BCAS3: variants seen among roughly 807,000 people sequenced by gnomAD.
BCAS3 encodes BCAS3 microtubule associated cell migration factor, also known as BCAS4/BCAS3 fusion.
In BCAS3, 53 loss-of-function variants were observed where a neutral mutation model predicts 116.1. That is an observed-to-expected ratio of 0.46 (90% CI 0.37 to 0.57). The LOEUF (loss-of-function observed/expected upper bound fraction) is 0.57. Ranked by LOEUF, BCAS3 falls within the 20% of genes least tolerant of loss-of-function variation. The pLI is 0.00. For synonymous variants in BCAS3, 391 were observed against 408.2 expected (o/e 0.96, Z 0.51); for missense variants, 917 against 1,165.4 (o/e 0.79, Z 3.10).
chr17:60,968,030 G>A (rs2061752069), intron 14 of BCAS3, among the ~76,000 whole-genome samples: 2 of 151,914 alleles, frequency 1.3e-5, no homozygotes, highest in South Asian at 4.1e-4. Context: ...CTTGGTCAGA[G>A]GGCTCACAGA....
intron 14 of BCAS3, among the ~76,000 whole-genome samples, chr17:60,955,545 AT>A (rs977738795): frequency 1.3e-5 from 2 of 150,632 alleles, no homozygotes; most frequent in African/African-American, 4.9e-5. Context: ...AGCCCAGCTA[AT>A]TTTTTTTTGT....
intron 22 of BCAS3, among the ~76,000 whole-genome samples, chr17:61,329,836 T>C (rs893839155): frequency 3.9e-5 from 6 of 152,110 alleles, no homozygotes; most frequent in African/African-American, 1.4e-4. Context: ...CACTTATCCA[T>C]GAAGACCGCA....
chr17:61,273,436 A>G (rs2050485243), intron 22 of BCAS3, among the ~76,000 whole-genome samples: 3 of 152,260 alleles, frequency 2.0e-5, no homozygotes, highest in Non-Finnish European at 4.4e-5. Flanking sequence ...ACAAGAAGTT[A>G]GCAGTTATTC....
At chr17:61,116,407 C>A (rs139696854) in intron 22 of BCAS3, among the ~76,000 whole-genome samples, 2 of 151,994 alleles carry the variant, frequency 1.3e-5, no homozygotes, top group African/African-American at 4.8e-5. Flanking sequence ...GCCCTTCTTC[C>A]GTTTATGTCC....
intron 10 of BCAS3, among the ~76,000 whole-genome samples, chr17:60,901,301 A>G (rs1339232446): frequency 1.3e-5 from 2 of 152,018 alleles, no homozygotes; most frequent in African/African-American, 4.8e-5. Context: ...TACCAGAAGC[A>G]GGGAATAAGT....
chr17:61,225,877 C>T (rs2082344727), intron 22 of BCAS3, among the ~76,000 whole-genome samples: 1 of 152,098 alleles, frequency 6.6e-6, no homozygotes, highest in Non-Finnish European at 1.5e-5. Context: ...AGGATACAAC[C>T]AAGGTAGGGA....
rs979916968 is a variant in BCAS3 at position 61,199,032 on chromosome 17, A to G, written c.2425+114468A>G. On this transcript the variant is annotated intron_variant, in intron 22 of 23. Transcript: ENST00000407086. The surrounding 1 kb of genome is among the most constrained non-coding windows in gnomAD (Gnocchi z 4.6). ...CTAGAAATATATAAATGAAACCAAC[A>G]TTTCTCTATCCTGGAAAAAAAGTGT... Among the ~76,000 whole-genome samples the G allele has an allele frequency of 6.6e-6, 1 of 152,166 alleles. No individual in the cohort carries two copies. The highest frequency in any genetic ancestry group is 2.4e-5 in the African/African-American group (1 of 41,420).
intron 4 of BCAS3, among the ~76,000 whole-genome samples, chr17:60,703,734 G>C (rs1040757850): frequency 4.0e-5 from 6 of 150,436 alleles, no homozygotes; most frequent in Non-Finnish European, 7.4e-5. Flanking sequence ...CTAACATGGT[G>C]AAACCCCGTT....
At position 61,196,398 on chromosome 17, in the gene BCAS3, G is replaced by A. The variant is rs904544792; in HGVS notation, c.2425+111834G>A. Among the ~76,000 whole-genome samples, 1 of 152,296 alleles carries A rather than the reference G, an allele frequency of 6.6e-6. No homozygotes were observed. Among genetic ancestry groups the A allele is most frequent in the Non-Finnish European group, 1.5e-5 (1 of 68,028 alleles). ...TCAGGGTCATTTCCAGTCTGTGGCC[G>A]CTAAAAATGAAAACCATGCCCCAGC... is the stretch of plus-strand genomic sequence containing the variant. On this transcript the variant is annotated intron_variant, in intron 22 of 23. Coordinates refer to ENST00000407086, the MANE Select transcript of BCAS3 (RefSeq NM_017679.5). This position sits in a 1 kb window ranked among gnomAD's most constrained non-coding sequence, Gnocchi z 4.7.
rs149170502 is a variant in BCAS3 at position 61,153,453 on chromosome 17, T to C, written c.2425+68889T>C. 9.3e-3 allele frequency among the ~76,000 whole-genome samples: 1,414 copies of C among 152,314 alleles called. 12 individuals are homozygous for C. Among genetic ancestry groups the C allele is most frequent in the Middle Eastern group, 0.02 (6 of 294 alleles). Reference sequence around the variant, plus strand: ...TTTTAATAATTGTTTTTACTATGAATATCAGAGGGAAAGAGATGACTTTGC... The same window carrying C: ...TTTTAATAATTGTTTTTACTATGAACATCAGAGGGAAAGAGATGACTTTGC... On this transcript the variant is annotated intron_variant, in intron 22 of 23. Transcript: ENST00000407086.
rs1315041069 is a variant in BCAS3, at chr17:61,124,998, G to A, written c.2425+40434G>A. Among the ~76,000 whole-genome samples the A allele has an allele frequency of 1.3e-5, 2 of 152,040 alleles. No homozygotes were observed. The highest frequency in any genetic ancestry group is 4.8e-5 in the African/African-American group (2 of 41,396). On this transcript the variant is annotated intron_variant, in intron 22 of 23. Coordinates refer to ENST00000407086, the MANE Select transcript of BCAS3 (RefSeq NM_017679.5). This position sits in a 1 kb window ranked among gnomAD's most constrained non-coding sequence, Gnocchi z 4.6. ...TCTTTCTTCACTTATAAATAATGGTGGCTTTCATAGGAGAGTGTTTTAAAT... is the reference window on the plus strand; with the variant it reads ...TCTTTCTTCACTTATAAATAATGGTAGCTTTCATAGGAGAGTGTTTTAAAT...
chr17:60,761,594 C>T (rs1315374634), intron 6 of BCAS3, among the ~76,000 whole-genome samples: 2 of 152,170 alleles, frequency 1.3e-5, no homozygotes, highest in Non-Finnish European at 2.9e-5. Flanking sequence ...TTTTCTTAAT[C>T]CAGTCTATCA....
At chr17:61,201,950 G>A (rs116650194) in intron 22 of BCAS3, among the ~76,000 whole-genome samples, 161 of 151,378 alleles carry the variant, frequency 1.1e-3, no homozygotes, top group African/African-American at 3.6e-3. Context: ...AGTAGAGACC[G>A]GGTTTCACCA....
At chr17:60,736,987 T>A (rs1289578932) in intron 5 of BCAS3, among the ~76,000 whole-genome samples, 1 of 150,094 alleles carries the variant, frequency 6.7e-6, no homozygotes, top group African/African-American at 2.4e-5. Flanking sequence ...TTGCTGAGGC[T>A]GGAGTGCAAT....
At chr17:61,152,625 A>G (rs1601602265) in intron 22 of BCAS3, among the ~76,000 whole-genome samples, 1 of 152,164 alleles carries the variant, frequency 6.6e-6, no homozygotes, top group East Asian at 1.9e-4. Context: ...GGAGGTAAGA[A>G]GAGAAGAAAG....
At chr17:60,984,645 CTT>C (rs1416249544) in intron 14 of BCAS3, among the ~76,000 whole-genome samples, 1 of 152,062 alleles carries the variant, frequency 6.6e-6, no homozygotes, top group African/African-American at 2.4e-5. Context: ...CAATTACACT[CTT>C]TTAATTATTT....
At chr17:61,062,789 C>CT (rs1467431165) in intron 19 of BCAS3, among the ~76,000 whole-genome samples, 1 of 152,120 alleles carries the variant, frequency 6.6e-6, no homozygotes, top group African/African-American at 2.4e-5. Flanking sequence ...TCAATGCTGT[C>CT]TTTTTTACAT....
chr17:60,737,023 G>A (rs2041056843), intron 5 of BCAS3, among the ~76,000 whole-genome samples: 1 of 151,670 alleles, frequency 6.6e-6, no homozygotes, highest in Non-Finnish European at 1.5e-5. Flanking sequence ...CACCGCAACT[G>A]CTGCCTCCCA....
Position 61,347,702 on chromosome 17 carries a change from A to G in BCAS3, c.2426-20625A>G, listed in dbSNP as rs914900126. Among the ~76,000 whole-genome samples the G allele has an allele frequency of 1.5e-4, 23 of 152,198 alleles. No individual in the cohort carries two copies. The highest frequency in any genetic ancestry group is 5.5e-4 in the African/African-American group (23 of 41,454). On this transcript the variant is annotated intron_variant, in intron 22 of 23. Transcript: ENST00000407086. The surrounding 1 kb of genome is among the most constrained non-coding windows in gnomAD (Gnocchi z 4.3). ...TGTCTGTTGTGGAATTGGTGACTCT[A>G]GGTGCTATGTGAAGGTAAGCCTAGG...
Sources: allele counts gnomAD v4.1 joint callset (sites outside exome capture counted in the v4.1 genomes callset), GRCh38; gene constraint gnomAD v4.1.1; non-coding constraint Gnocchi (gnomAD v3.1); transcripts MANE v1.5; gene names NCBI Gene and HGNC (gene_info 2026-07-23, HGNC 2026-07-21).